The following CTNNA2 variants were observed in gnomAD, a reference collection of about 807,000 sequenced individuals.
CTNNA2 encodes the protein catenin alpha 2, also known as catenin alpha-2.
A neutral mutation model predicts 101.0 loss-of-function variants in CTNNA2; 42 were observed. The observed-to-expected ratio is 0.42, with a 90% CI of 0.32 to 0.54. The LOEUF (loss-of-function observed/expected upper bound fraction) is 0.54. CTNNA2 is among the 20% of genes least tolerant of loss of function. The probability of loss-of-function intolerance (pLI) is 0.14; values close to 1 mark genes in which losing one functional copy is unlikely to be tolerated. For missense variants in CTNNA2, 871 were observed against 1,223.1 expected, an observed-to-expected ratio of 0.71 and a Z score of 4.29; for synonymous variants, 450 against 456.4, an observed-to-expected ratio of 0.99 and a Z score of 0.18.
At chr2:80,356,003 C>T (rs1190921794) in intron 7 of CTNNA2, among the ~76,000 whole-genome samples, 15 of 152,070 alleles carry the variant, frequency 9.9e-5, no homozygotes, top group Admixed American at 9.8e-4. Context: ...TCACTGTCCA[C>T]CTGCTGGATC....
rs1685291886 is a variant in CTNNA2, at chr2:79,705,438, G to A, written c.103-38949G>A. Reference sequence around the variant, plus strand: ...ATTTAGAAATTAAACTTTATCATAGGTATGTATGTATAGGAAAAAAAACAG... The same window carrying A: ...ATTTAGAAATTAAACTTTATCATAGATATGTATGTATAGGAAAAAAAACAG... On this transcript the variant is annotated intron_variant, in intron 2 of 18. Transcript: ENST00000402739. Among the ~76,000 whole-genome samples the A allele has an allele frequency of 2.6e-5, 4 of 151,430 alleles. No individual in the cohort carries two copies. The South Asian group carries it at 6.3e-4, about 24-fold the overall frequency.
intron 4 of CTNNA2, among the ~76,000 whole-genome samples, chr2:79,476,815 G>T (rs1231539182): frequency 6.6e-6 from 1 of 152,144 alleles, no homozygotes; most frequent in African/African-American, 2.4e-5. Flanking sequence ...ATCCCATTCA[G>T]GTCCCATGGG....
At chr2:80,136,939 G>A (rs952430021) in intron 7 of CTNNA2, among the ~76,000 whole-genome samples, 4 of 152,096 alleles carry the variant, frequency 2.6e-5, no homozygotes, top group Admixed American at 6.6e-5. Context: ...CATGAAGGTG[G>A]CCTCTTCATT....
At chr2:79,235,227 A>T (rs1572992238) in intron 2 of CTNNA2, among the ~76,000 whole-genome samples, 1 of 152,076 alleles carries the variant, frequency 6.6e-6, no homozygotes, top group African/African-American at 2.4e-5. Context: ...GAGGGTCAGC[A>T]CTCTGTACAA....
At chr2:79,340,314 C>G (rs1368965) in intron 3 of CTNNA2, 2 of 151,996 alleles carry the variant, frequency 1.3e-5, no homozygotes, top group East Asian at 3.9e-4. Flanking sequence ...GTCATGTGGT[C>G]CCCATCAGTA....
intron 4 of CTNNA2, among the ~76,000 whole-genome samples, chr2:79,863,335 A>G (rs1396913931): frequency 6.6e-6 from 1 of 152,224 alleles, no homozygotes; most frequent in Non-Finnish European, 1.5e-5. Context: ...TGGCTGCACA[A>G]TTTAGGACAA....
At chr2:79,846,266 C>G (rs1256490544) in intron 3 of CTNNA2, among the ~76,000 whole-genome samples, 1 of 152,074 alleles carries the variant, frequency 6.6e-6, no homozygotes. Flanking sequence ...TTTGTTTAGC[C>G]AAAGACTCCT....
intron 7 of CTNNA2, among the ~76,000 whole-genome samples, chr2:79,983,866 G>A (rs369927418): frequency 7.2e-5 from 11 of 152,076 alleles, no homozygotes; most frequent in African/African-American, 2.4e-4. Flanking sequence ...GCTAGCCTGG[G>A]AACTGACTCA....
At chr2:79,314,679 T>C (rs537892114) in intron 3 of CTNNA2, among the ~76,000 whole-genome samples, 74 of 152,312 alleles carry the variant, frequency 4.9e-4, no homozygotes, top group African/African-American at 1.7e-3. Flanking sequence ...GTTCCAGAGA[T>C]AGATAGGAAT....
At chr2:80,141,646 A>G (rs1703017396) in intron 7 of CTNNA2, among the ~76,000 whole-genome samples, 1 of 152,048 alleles carries the variant, frequency 6.6e-6, no homozygotes, top group South Asian at 2.1e-4. Context: ...CACCAGTGAG[A>G]TGGAGCAGGG....
chr2:80,073,023 C>A (rs1698442227), intron 7 of CTNNA2, among the ~76,000 whole-genome samples: 1 of 152,132 alleles, frequency 6.6e-6, no homozygotes, highest in Admixed American at 6.5e-5. Context: ...ATATTTGAAT[C>A]AATCAAAGTG....
intron 7 of CTNNA2, chr2:80,304,102 GAA>G: frequency 3.0e-6 from 1 of 336,742 alleles, no homozygotes; most frequent in East Asian, 4.5e-5. Context: ...GAAAAGGGAG[GAA>G]AAAAAAAATC....
intron 9 of CTNNA2, among the ~76,000 whole-genome samples, chr2:80,522,732 T>C (rs1689677509): frequency 1.3e-5 from 2 of 152,064 alleles, no homozygotes; most frequent in Admixed American, 6.6e-5. Flanking sequence ...ACGGCTTGCT[T>C]TCCCCCTCAC....
intron 4 of CTNNA2, among the ~76,000 whole-genome samples, chr2:79,471,732 G>A (rs1386846560): frequency 1.3e-5 from 2 of 151,984 alleles, no homozygotes; most frequent in Admixed American, 6.6e-5. Context: ...CAGCTATTCG[G>A]GAGGCTGAGG....
intron 3 of CTNNA2, among the ~76,000 whole-genome samples, chr2:79,782,613 T>C (rs992054400): frequency 3.3e-5 from 5 of 152,206 alleles, no homozygotes; most frequent in Non-Finnish European, 1.5e-5. Flanking sequence ...TAAATTTTCT[T>C]ATCTTCCCCC....
intron 2 of CTNNA2, among the ~76,000 whole-genome samples, chr2:79,710,265 T>C (rs1431422799): frequency 6.6e-6 from 1 of 152,176 alleles, no homozygotes; most frequent in African/African-American, 2.4e-5. Context: ...AAGTACATCC[T>C]TCCGTAATGT....
chr2:79,913,889 C>T (rs1035293992), intron 7 of CTNNA2, among the ~76,000 whole-genome samples: 2 of 152,014 alleles, frequency 1.3e-5, no homozygotes, highest in Non-Finnish European at 2.9e-5. Flanking sequence ...TTACTTGGGC[C>T]GGGCACGGTG....
At chr2:79,873,199 A>G (rs2104048695) in intron 5 of CTNNA2, among the ~76,000 whole-genome samples, 1 of 152,314 alleles carries the variant, frequency 6.6e-6, no homozygotes, top group South Asian at 2.1e-4. Context: ...TATGGAGGCA[A>G]GTAGGGCCTC....
intron 7 of CTNNA2, among the ~76,000 whole-genome samples, chr2:80,355,430 G>C (rs949537758): frequency 2.0e-5 from 3 of 152,170 alleles, no homozygotes; most frequent in Non-Finnish European, 1.5e-5. Flanking sequence ...CCTTTGTGAT[G>C]ATGAGGATGA....
Sources: allele counts gnomAD v4.1 joint callset (sites outside exome capture counted in the v4.1 genomes callset), GRCh38; gene constraint gnomAD v4.1.1; transcripts MANE v1.5; gene names NCBI Gene and HGNC (gene_info 2026-07-23, HGNC 2026-07-21).